NDFIP2: variants seen among roughly 807,000 people sequenced by gnomAD.
NDFIP2 encodes NEDD4 family-interacting protein 2.
Under a neutral mutation model 36.0 loss-of-function variants are expected in NDFIP2, and 19 were observed. The ratio of observed to expected loss-of-function variants is 0.53; its 90% confidence interval spans 0.37 to 0.77. The LOEUF (loss-of-function observed/expected upper bound fraction) is 0.77. NDFIP2 is among the 30% of genes least tolerant of loss of function. The pLI is 0.00. For missense variants in NDFIP2, 446 were observed against 435.8 expected, an observed-to-expected ratio of 1.02 and a Z score of -0.21; for synonymous variants, 181 against 167.7, an observed-to-expected ratio of 1.08 and a Z score of -0.61.
rs753766964 is a variant in NDFIP2, at chr13:79,481,507, A to C, written c.304A>C (p.Thr102Pro). Residue 102 changes from threonine (T) to proline (P), a missense_variant, in exon 1 of 8, where the codon ACT (threonine) becomes CCT (proline). By Grantham distance (38) the Thr-to-Pro change is conservative (BLOSUM62 -1). Coordinates refer to ENST00000218652, the MANE Select transcript of NDFIP2 (RefSeq NM_019080.3). The part of the protein sequence containing the change: ...PGRMDHHQPG[T>P]GRYQVLLNEE... ...CAGGATGGATCACCACCAGCCGGGG[A>C]CTGGGCGCTACCAGGTGGTGAGTTC... The C allele has an allele frequency of 3.1e-4, 475 of 1,552,220 alleles. 1 individual carries two copies. Among genetic ancestry groups the C allele is most frequent in the Non-Finnish European group, 4.0e-4 (458 of 1,147,764 alleles).
intron 1 of NDFIP2, among the ~76,000 whole-genome samples, chr13:79,496,750 CT>C: frequency 6.6e-6 from 1 of 151,858 alleles, no homozygotes; most frequent in East Asian, 1.9e-4. Flanking sequence ...TTCTTTTCTG[CT>C]TTTTATAATG....
At chr13:79,523,050 G>A (rs1025246988) in intron 2 of NDFIP2, among the ~76,000 whole-genome samples, 1 of 152,130 alleles carries the variant, frequency 6.6e-6, no homozygotes, top group Admixed American at 6.5e-5. Flanking sequence ...AATGGCTTCA[G>A]TAGGCCAGAA....
At chr13:79,516,912 A>G (rs1290704936) in intron 1 of NDFIP2, among the ~76,000 whole-genome samples, 3 of 152,210 alleles carry the variant, frequency 2.0e-5, no homozygotes, top group Non-Finnish European at 4.4e-5. Flanking sequence ...TCACCTTAAG[A>G]TAGAATGAAA....
intron 3 of NDFIP2, among the ~76,000 whole-genome samples, chr13:79,538,686 G>C (rs58322995): frequency 0.045 from 6,790 of 152,184 alleles, 532 homozygotes; most frequent in African/African-American, 0.16. Context: ...GAGTTCAAGC[G>C]ATTCTCATGC....
intron 2 of NDFIP2, among the ~76,000 whole-genome samples, chr13:79,532,389 G>A (rs1875051259): frequency 6.6e-6 from 1 of 152,172 alleles, no homozygotes; most frequent in Admixed American, 6.6e-5. Context: ...AAACAGTGTG[G>A]TGTATGCTAC....
intron 7 of NDFIP2, 59 bp downstream of exon 7, chr13:79,551,181 A>G: frequency 9.7e-7 from 1 of 1,027,496 alleles, no homozygotes; most frequent in East Asian, 2.6e-5. Flanking sequence ...AATTTGCCAG[A>G]TACATATTAA....
At chr13:79,525,098 A>G (rs1030178760) in intron 2 of NDFIP2, among the ~76,000 whole-genome samples, 1 of 152,174 alleles carries the variant, frequency 6.6e-6, no homozygotes, top group Non-Finnish European at 1.5e-5. Flanking sequence ...GTCCAAACCT[A>G]ATCCTCAATC....
intron 1 of NDFIP2, among the ~76,000 whole-genome samples, chr13:79,505,677 T>G (rs1873838320): frequency 6.6e-6 from 1 of 150,574 alleles, no homozygotes; most frequent in Non-Finnish European, 1.5e-5. Context: ...GAATAGGTAG[T>G]ATTGCTGTGA....
intron 5 of NDFIP2, among the ~76,000 whole-genome samples, chr13:79,546,116 G>A (rs1875666179): frequency 6.6e-6 from 1 of 152,140 alleles, no homozygotes. Flanking sequence ...CTGTTACACT[G>A]TACTTTGACT....
chr13:79,529,800 A>T (rs1874940024), intron 2 of NDFIP2, among the ~76,000 whole-genome samples: 1 of 152,248 alleles, frequency 6.6e-6, no homozygotes, highest in Non-Finnish European at 1.5e-5. Context: ...TCTGTTAGAC[A>T]AAATTGTAAA....
Position 79,555,929 on chromosome 13 carries a change from G to T in NDFIP2, c.*3416G>T, listed in dbSNP as rs1876094611. 1 of 152,164 alleles carries T rather than the reference G, an allele frequency of 6.6e-6. No individual in the cohort carries two copies. Among genetic ancestry groups the T allele is most frequent in the African/African-American group, 2.4e-5 (1 of 41,450 alleles). The allele number at this position is 152,164 out of a possible 1,614,324, so 9.4% of individuals were successfully genotyped here. ...ACTGTGACCTCACTAAACTGTTTAT[G>T]TGACAAACCTTTCAAGATTGGAGAT... On this transcript the variant is annotated 3_prime_UTR_variant, in exon 8 of 8. Transcript: ENST00000218652.
At chr13:79,505,383 G>A (rs1363486030) in intron 1 of NDFIP2, among the ~76,000 whole-genome samples, 5 of 151,754 alleles carry the variant, frequency 3.3e-5, no homozygotes, top group African/African-American at 4.9e-5. Context: ...TAATCCCAGC[G>A]CCTTGGGAGG....
chr13:79,551,471 A>G (rs890883166), intron 7 of NDFIP2, among the ~76,000 whole-genome samples: 3 of 151,540 alleles, frequency 2.0e-5, no homozygotes, highest in Non-Finnish European at 4.4e-5. Context: ...AAAATATGAC[A>G]TAGTACTTAG....
intron 1 of NDFIP2, among the ~76,000 whole-genome samples, chr13:79,489,849 T>C (rs996347451): frequency 2.0e-5 from 3 of 152,198 alleles, no homozygotes; most frequent in Non-Finnish European, 4.4e-5. Flanking sequence ...GGAACTGTCA[T>C]TTATAACTCT....
At chr13:79,506,650 ATAGGCAGTACATATAAGTATAAAGAG>A in intron 1 of NDFIP2, among the ~76,000 whole-genome samples, 1 of 152,212 alleles carries the variant, frequency 6.6e-6, no homozygotes, top group East Asian at 1.9e-4. Context: ...TTTAAAAAAT[ATAGGCAGTACATATAAGTATAAAGAG>A]ACAAGCAGTC....
At chr13:79,523,764 AGTGTTAAGGCTACTATT>A (rs1874683318) in intron 2 of NDFIP2, among the ~76,000 whole-genome samples, 1 of 152,170 alleles carries the variant, frequency 6.6e-6, no homozygotes, top group Non-Finnish European at 1.5e-5. Flanking sequence ...ATTGTGATGT[AGTGTTAAGGCTACTATT>A]GATCTTCTGA....
At chr13:79,498,627 G>C (rs980493246) in intron 1 of NDFIP2, among the ~76,000 whole-genome samples, 1 of 151,954 alleles carries the variant, frequency 6.6e-6, no homozygotes. Flanking sequence ...AAAGTAGAAA[G>C]GGAAGAGATT....
At chr13:79,501,385 G>C (rs1873660481) in intron 1 of NDFIP2, among the ~76,000 whole-genome samples, 1 of 152,052 alleles carries the variant, frequency 6.6e-6, no homozygotes, top group South Asian at 2.1e-4. Flanking sequence ...TGTTAATGGG[G>C]GAGGCTTTGC....
chr13:79,503,310 C>T (rs1182456861), intron 1 of NDFIP2, among the ~76,000 whole-genome samples: 3 of 152,092 alleles, frequency 2.0e-5, no homozygotes. Flanking sequence ...TTGTTGTCTT[C>T]CCTCCACCAG....
Sources: allele counts gnomAD v4.1 joint callset (sites outside exome capture counted in the v4.1 genomes callset), GRCh38; gene constraint gnomAD v4.1.1; transcripts MANE v1.5; gene names NCBI Gene and HGNC (gene_info 2026-07-23, HGNC 2026-07-21).